The following GPHN variants were observed in gnomAD, a reference collection of about 807,000 sequenced individuals.
The protein encoded by GPHN is gephyrin.
Under a neutral mutation model 95.5 loss-of-function variants are expected in GPHN, and 17 were observed. That is an observed-to-expected ratio of 0.18 (90% CI 0.12 to 0.27). The LOEUF (loss-of-function observed/expected upper bound fraction) is 0.27, where lower values mean the gene tolerates loss of function less well. GPHN is among the 10% of genes least tolerant of loss of function. The pLI, the probability that GPHN is intolerant of heterozygous loss-of-function variation, is 1.00. For synonymous variants in GPHN, 320 were observed against 322.5 expected, an observed-to-expected ratio of 0.99 and a Z score of 0.08; for missense variants, 660 against 978.1, an observed-to-expected ratio of 0.67 and a Z score of 4.34.
chr14:67,719,342 C>T, the GPHN span, among the ~76,000 whole-genome samples: 1 of 152,276 alleles, frequency 6.6e-6, no homozygotes, highest in Middle Eastern at 3.4e-3. Context: ...GAGTGCCTCA[C>T]GATAAGATTC....
chr14:67,590,412 C>G, the GPHN span, among the ~76,000 whole-genome samples: 2 of 152,040 alleles, frequency 1.3e-5, no homozygotes, highest in Non-Finnish European at 2.9e-5. Context: ...GCCACCACGC[C>G]CAGTGGCACA....
chr14:67,689,761 T>C, the GPHN span, among the ~76,000 whole-genome samples: 1 of 152,080 alleles, frequency 6.6e-6, no homozygotes, highest in South Asian at 2.1e-4. Flanking sequence ...CTGACCAACA[T>C]GGTGAAATCC....
chr14:66,810,613 A>G (rs773990107), intron 3 of GPHN, among the ~76,000 whole-genome samples: 31 of 152,134 alleles, frequency 2.0e-4, no homozygotes, highest in Non-Finnish European at 4.3e-4. Flanking sequence ...CTCACATCAA[A>G]TTTTGGTATA....
the GPHN span, among the ~76,000 whole-genome samples, chr14:67,527,854 C>T: frequency 6.6e-6 from 1 of 152,240 alleles, no homozygotes; most frequent in Non-Finnish European, 1.5e-5. Flanking sequence ...CACAGCTCTG[C>T]ATGTAGGACC....
chr14:67,669,178 G>A, the GPHN span, among the ~76,000 whole-genome samples: 19 of 152,210 alleles, frequency 1.2e-4, no homozygotes, highest in South Asian at 3.1e-3. Context: ...ACTGCTACTA[G>A]AAGGTGAATT....
At chr14:66,649,772 G>C (rs1269144799) in intron 1 of GPHN, among the ~76,000 whole-genome samples, 2 of 152,184 alleles carry the variant, frequency 1.3e-5, no homozygotes, top group African/African-American at 4.8e-5. Context: ...GTGAGTGGCA[G>C]GTGGCAAGCT....
intron 5 of GPHN, among the ~76,000 whole-genome samples, chr14:66,912,585 A>T (rs1197317919): frequency 1.3e-5 from 2 of 152,042 alleles, no homozygotes; most frequent in African/African-American, 4.8e-5. Context: ...TCTTTTCTTT[A>T]TATCTTCTGT....
intron 1 of GPHN, among the ~76,000 whole-genome samples, chr14:66,526,514 A>T (rs1566758590): frequency 6.6e-6 from 1 of 152,140 alleles, no homozygotes. Flanking sequence ...TTTCAATACT[A>T]TGTTGAATAG....
chr14:67,634,974 G>A, the GPHN span, among the ~76,000 whole-genome samples: 2 of 152,156 alleles, frequency 1.3e-5, no homozygotes, highest in African/African-American at 2.4e-5. Context: ...CTGGGCGCAC[G>A]GTGGCTCACG....
intron 11 of GPHN, among the ~76,000 whole-genome samples, chr14:67,075,070 C>T (rs1173825241): frequency 1.3e-5 from 2 of 152,130 alleles, no homozygotes; most frequent in East Asian, 3.9e-4. Flanking sequence ...ACTTTCATTG[C>T]TATAGAGGAA....
chr14:67,167,340 C>T (rs2082337832), intron 20 of GPHN, among the ~76,000 whole-genome samples: 1 of 151,926 alleles, frequency 6.6e-6, no homozygotes, highest in Admixed American at 6.6e-5. Context: ...TTTTATAATC[C>T]TTGATTTACA....
chr14:67,661,529 C>CTTTTT, the GPHN span, among the ~76,000 whole-genome samples: 3 of 110,074 alleles, frequency 2.7e-5, no homozygotes, highest in Non-Finnish European at 5.3e-5. Context: ...GAACAGTAAC[C>CTTTTT]TTTTTTTTTT....
chr14:66,841,388 T>C (rs1246478792), intron 4 of GPHN, among the ~76,000 whole-genome samples: 2 of 151,922 alleles, frequency 1.3e-5, no homozygotes, highest in African/African-American at 4.8e-5. Flanking sequence ...TGTAACAGAG[T>C]AGAGGCATGG....
chr14:66,557,335 T>A (rs1023819738), intron 1 of GPHN, among the ~76,000 whole-genome samples: 1 of 152,132 alleles, frequency 6.6e-6, no homozygotes, highest in African/African-American at 2.4e-5. Context: ...CCAAATTTTG[T>A]TGAGAATATA....
intron 4 of GPHN, among the ~76,000 whole-genome samples, chr14:66,866,900 T>G: frequency 6.6e-6 from 1 of 152,134 alleles, no homozygotes; most frequent in East Asian, 1.9e-4. Flanking sequence ...CAGACACCAT[T>G]TCATGCTCAC....
intron 1 of GPHN, among the ~76,000 whole-genome samples, chr14:66,598,579 G>A (rs1566678178): frequency 6.6e-6 from 1 of 152,158 alleles, no homozygotes; most frequent in Non-Finnish European, 1.5e-5. Flanking sequence ...GGGTGCGGTG[G>A]CTCATGCCTG....
chr14:67,086,434 G>A (rs926743107), intron 11 of GPHN, among the ~76,000 whole-genome samples: 15 of 151,964 alleles, frequency 9.9e-5, no homozygotes, highest in Non-Finnish European at 1.9e-4. Context: ...GGCAGATCAC[G>A]AGGTCAGGAG....
the GPHN span, chr14:67,223,689 C>G: frequency 1.0e-6 from 1 of 956,744 alleles, no homozygotes; most frequent in African/African-American, 1.8e-5. Flanking sequence ...TTTGTTTTCT[C>G]TTATGTATTT....
intron 11 of GPHN, among the ~76,000 whole-genome samples, chr14:67,064,440 A>G (rs921631418): frequency 1.3e-5 from 2 of 152,156 alleles, no homozygotes; most frequent in Non-Finnish European, 2.9e-5. Context: ...AGATGATGCT[A>G]GCCTCATAAA....
Sources: gnomAD v4.1 joint callset for allele counts (sites outside exome capture counted in the v4.1 genomes callset) on GRCh38, gnomAD v4.1.1 for gene constraint, MANE v1.5 for transcripts, NCBI Gene and HGNC (gene_info 2026-07-23, HGNC 2026-07-21) for gene names.